Variants in LRIG3 observed in about 807,000 individuals in gnomAD.
LRIG3 encodes leucine-rich repeats and immunoglobulin-like domains protein 3.
LRIG3 carries 76 observed loss-of-function variants against 114.5 expected under a neutral mutation model. The observed-to-expected ratio is 0.66, with a 90% CI of 0.55 to 0.80. The LOEUF is 0.80. Ranked by LOEUF, LRIG3 falls within the 30% of genes least tolerant of loss-of-function variation. The pLI is 0.00. For missense variants in LRIG3, 1,239 were observed against 1,382.8 expected, an observed-to-expected ratio of 0.90 and a Z score of 1.65; for synonymous variants, 512 against 519.8, an observed-to-expected ratio of 0.98 and a Z score of 0.20.
At chr12:58,916,029 T>C (rs1457874399) in intron 1 of LRIG3, among the ~76,000 whole-genome samples, 2 of 152,200 alleles carry the variant, frequency 1.3e-5, no homozygotes, top group African/African-American at 2.4e-5. Context: ...GGAAGCAATC[T>C]GGCATTAATA....
At chr12:58,880,535 T>C in intron 13 of LRIG3, 46 bp downstream of exon 13, 1 of 1,576,728 alleles carries the variant, frequency 6.3e-7, no homozygotes. Flanking sequence ...GCTTTCTATT[T>C]CTAAAAGGTA....
chr12:58,883,384 GT>G (rs1871178072), intron 11 of LRIG3, 135 bp downstream of exon 11: 5 of 573,282 alleles, frequency 8.7e-6, no homozygotes, highest in Non-Finnish European at 1.4e-5. Context: ...CTCCTTTTCT[GT>G]TGCCTAGTAT....
chr12:58,911,151 G>GCTAAAAGATTC (rs113043273), intron 3 of LRIG3, among the ~76,000 whole-genome samples: 36,005 of 151,988 alleles, frequency 0.24, 6,099 homozygotes, highest in African/African-American at 0.47. Flanking sequence ...CCTTGTGCAT[G>GCTAAAAGATTC]CTAAAAAGGT....
chr12:58,906,805 T>C (rs974076071), intron 3 of LRIG3, among the ~76,000 whole-genome samples: 1 of 152,158 alleles, frequency 6.6e-6, no homozygotes, highest in Non-Finnish European at 1.5e-5. Context: ...AAAATTATTA[T>C]CAAAGCCACA....
chr12:58,901,321 C>T (rs1244880521), intron 3 of LRIG3, among the ~76,000 whole-genome samples: 1 of 152,116 alleles, frequency 6.6e-6, no homozygotes, highest in Admixed American at 6.5e-5. Context: ...AGAGATGACC[C>T]CACCATATTC....
chr12:58,874,812 A>C (rs978989047), intron 16 of LRIG3, among the ~76,000 whole-genome samples: 1 of 152,356 alleles, frequency 6.6e-6, no homozygotes, highest in East Asian at 1.9e-4. Flanking sequence ...TGATATGTGC[A>C]GATCCTGCAG....
chr12:58,914,205 A>G, intron 2 of LRIG3, 60 bp downstream of exon 2: 1 of 1,537,812 alleles, frequency 6.5e-7, no homozygotes, highest in Non-Finnish European at 9.0e-7. Flanking sequence ...CTTACGGTTA[A>G]ATAGTATAAG....
chr12:58,890,666 G>A lies in LRIG3; in HGVS notation c.514C>T (p.Leu172=), dbSNP rs1871425102. Residue 172 remains leucine (L), a splice_region_variant and synonymous_variant, in exon 4 of 19, where the codon CTG becomes TTG. Coordinates refer to ENST00000320743, the MANE Select transcript of LRIG3 (RefSeq NM_153377.5). The stretch of plus-strand genomic sequence containing the variant: ...TTTGCTAAAGAAAACTTCACTTACA[G>A]ATATTTGAGCTGTAGGGCTGGAAAT... ...TAFPALQLKY[L]YLNSNRVTSM... is the part of the protein sequence containing the mutation. 6.4e-7 allele frequency: 1 copy of A among 1,566,386 alleles called. No individual in the cohort carries two copies. Among genetic ancestry groups the A allele is most frequent in the Non-Finnish European group, 8.6e-7 (1 of 1,160,318 alleles).
chr12:58,887,574 C>T lies in LRIG3; in HGVS notation c.1091+215G>A, dbSNP rs115469052. Among the ~76,000 whole-genome samples the T allele has an allele frequency of 4.2e-3, 638 of 152,240 alleles. 6 individuals are homozygous for T. The highest frequency in any genetic ancestry group is 0.015 in the African/African-American group (614 of 41,548). Reference sequence around the variant, plus strand: ...ATCCTGAGAAGGTTCACTGTAATCACCAAAACAAACTGATCACTGTCCTTT... The same window carrying T: ...ATCCTGAGAAGGTTCACTGTAATCATCAAAACAAACTGATCACTGTCCTTT... On this transcript the variant is annotated intron_variant, in intron 8 of 18. Coordinates refer to ENST00000320743, the MANE Select transcript of LRIG3 (RefSeq NM_153377.5).
intron 8 of LRIG3, 132 bp downstream of exon 8, chr12:58,887,657 T>C (rs763070646): frequency 1.6e-5 from 15 of 919,224 alleles, no homozygotes; most frequent in Non-Finnish European, 1.3e-5. Context: ...CAAACTGATC[T>C]GGGAAAGATT....
In LRIG3 at chr12:58,872,440, C is replaced by T. The variant is rs1592290501; in HGVS notation, c.*132G>A. ...TTCATAACTTTTTGTAATTTTGGTT[C>T]ATCTGTATAAATAAAGCATTTTTAT... is the stretch of plus-strand genomic sequence containing the variant. On this transcript the variant is annotated 3_prime_UTR_variant, in exon 19 of 19. Coordinates refer to ENST00000320743, the MANE Select transcript of LRIG3 (RefSeq NM_153377.5). 5 of 1,016,384 alleles carry T rather than the reference C, an allele frequency of 4.9e-6. No homozygotes were observed. Among genetic ancestry groups the T allele is most frequent in the Admixed American group, 3.6e-5 (1 of 27,570 alleles). 63.0% of individuals were successfully genotyped at this position (1,016,384 alleles called of 1,614,324 possible). A position where few individuals can be genotyped will look rare whatever the true frequency, so the allele number is the denominator to read the frequency against.
intron 18 of LRIG3, 67 bp downstream of exon 18, chr12:58,873,988 T>C (rs1565612365): frequency 6.5e-7 from 1 of 1,548,704 alleles, no homozygotes; most frequent in Admixed American, 1.8e-5. Flanking sequence ...AGGCTGTCAT[T>C]GCTCTCTCAC....
At chr12:58,886,952 C>A in intron 8 of LRIG3, 62 bp from the exon 9 acceptor site, 2 of 1,255,096 alleles carry the variant, frequency 1.6e-6, no homozygotes, top group South Asian at 1.3e-5. Flanking sequence ...TATCACCACC[C>A]AGGTGGCATA....
Position 58,889,844 on chromosome 12 carries a change from C to T in LRIG3, c.659+152G>A, listed in dbSNP as rs1208068063. 1.0e-4 allele frequency: 100 copies of T among 960,700 alleles called. 2 individuals are homozygous for T. In the East Asian group the frequency reaches 2.5e-3, roughly 24 times the overall value. 59.5% of individuals were successfully genotyped at this position (960,700 alleles called of 1,614,324 possible). A position where few individuals can be genotyped will look rare whatever the true frequency, so the allele number is the denominator to read the frequency against. ...ACGAGATGATGTTTAAGGCTCTTTC[C>T]AATTTGGAGATTCTACAGCTCCAAC... is the stretch of plus-strand genomic sequence containing the variant. On this transcript the variant is annotated intron_variant, in intron 5 of 18. Coordinates refer to ENST00000320743, the MANE Select transcript of LRIG3 (RefSeq NM_153377.5).
At chr12:58,895,161 C>T (rs1406851296) in intron 3 of LRIG3, among the ~76,000 whole-genome samples, 1 of 152,158 alleles carries the variant, frequency 6.6e-6, no homozygotes, top group Non-Finnish European at 1.5e-5. Context: ...ATGATATTTA[C>T]TCTGAGAGCA....
intron 1 of LRIG3, chr12:58,919,438 G>A (rs1318702466): frequency 6.4e-7 from 1 of 1,551,614 alleles, no homozygotes. Context: ...GTCTGCTAAT[G>A]TGAAAAAGCA....
At chr12:58,908,157 C>T (rs756369209) in intron 3 of LRIG3, among the ~76,000 whole-genome samples, 9 of 152,266 alleles carry the variant, frequency 5.9e-5, no homozygotes, top group East Asian at 3.9e-4. Context: ...AACCACATCT[C>T]GCGGCATTAG....
chr12:58,882,973 A>T lies in LRIG3; in HGVS notation c.1376T>A (p.Val459Glu). The T allele has an allele frequency of 6.2e-7, 1 of 1,614,150 alleles. No homozygotes were observed. ...AAAGCTCTGAAAGTTGTTTTCCGCC[A>T]CCCACTGTGGGAGCCATTTTAGCTG... is the stretch of plus-strand genomic sequence containing the variant. The part of the protein sequence containing the change: ...DCQLKWLPQW[V>E]AENNFQSFVN... The change falls in exon 12 of 19, where the codon GTG becomes GAG. Residue 459 changes from valine to glutamate, a missense_variant. Val to Glu is a moderately radical substitution (Grantham distance 121). Transcript: ENST00000320743.
At chr12:58,883,467 GAC>G in intron 11 of LRIG3, 51 bp downstream of exon 11, 1 of 1,310,196 alleles carries the variant, frequency 7.6e-7, no homozygotes, top group Non-Finnish European at 1.1e-6. Context: ...CACACCATAT[GAC>G]AGTTTTCCCC....
Sources: allele counts gnomAD v4.1 joint callset (sites outside exome capture counted in the v4.1 genomes callset), GRCh38; gene constraint gnomAD v4.1.1; transcripts MANE v1.5; gene names NCBI Gene and HGNC (gene_info 2026-07-23, HGNC 2026-07-21).